The following COP1 variants were observed in gnomAD, a reference collection of about 807,000 sequenced individuals.
COP1 encodes COP1 E3 ubiquitin ligase, also known as E3 ubiquitin-protein ligase COP1.
A neutral mutation model predicts 101.3 loss-of-function variants in COP1; 24 were observed. The ratio of observed to expected loss-of-function variants is 0.24; its 90% CI spans 0.17 to 0.33. COP1 has a LOEUF of 0.33. Ranked by LOEUF, COP1 falls within the 10% of genes least tolerant of loss-of-function variation. The probability of loss-of-function intolerance (pLI) is 1.00; values close to 1 mark genes in which losing one functional copy is unlikely to be tolerated. For synonymous variants in COP1, 347 were observed against 341.9 expected (o/e 1.01, Z -0.17); for missense variants, 663 against 906.2 (o/e 0.73, Z 3.45).
chr1:176,041,288 C>T (rs1408541226), intron 14 of COP1, among the ~76,000 whole-genome samples: 1 of 151,854 alleles, frequency 6.6e-6, no homozygotes, highest in Non-Finnish European at 1.5e-5. Context: ...GGATGCAGTA[C>T]ATTCATTTTT....
At chr1:176,105,340 GA>G (rs1684129703) in intron 9 of COP1, among the ~76,000 whole-genome samples, 1 of 152,076 alleles carries the variant, frequency 6.6e-6, no homozygotes, top group South Asian at 2.1e-4. Context: ...GTATTTCAAA[GA>G]AATATCACAA....
chr1:176,206,071 T>C (rs1294797264), intron 1 of COP1, among the ~76,000 whole-genome samples: 1 of 152,190 alleles, frequency 6.6e-6, no homozygotes, highest in Admixed American at 6.5e-5. Flanking sequence ...AAGACATCCA[T>C]GCTTATGTTT....
In COP1 at chr1:175,944,910, A is replaced by C. The variant is rs777351816; in HGVS notation, c.*243T>G. 37 of 427,114 alleles carry C rather than the reference A, an allele frequency of 8.7e-5. No homozygotes were observed. The highest frequency in any genetic ancestry group is 6.1e-4 in the Middle Eastern group (1 of 1,636). The allele number at this position is 427,114 out of a possible 1,614,324, so 26.5% of individuals were successfully genotyped here. On this transcript the variant is annotated 3_prime_UTR_variant, in exon 20 of 20. Coordinates refer to ENST00000367669, the MANE Select transcript of COP1 (RefSeq NM_022457.7). The stretch of plus-strand genomic sequence containing the variant: ...GTTTCCCTATCACAAAAATTAGATA[A>C]CACCACCAAGAGCAGCAATGTCCAT...
At chr1:176,067,908 G>A (rs1200398595) in intron 11 of COP1, among the ~76,000 whole-genome samples, 1 of 152,186 alleles carries the variant, frequency 6.6e-6, no homozygotes, top group Non-Finnish European at 1.5e-5. Context: ...CTGCCTGTCT[G>A]TCCCCTCCCC....
chr1:175,986,080 C>T (rs6703511), intron 18 of COP1, among the ~76,000 whole-genome samples: 60,645 of 151,950 alleles, frequency 0.4, 12,316 homozygotes, highest in Middle Eastern at 0.45. Flanking sequence ...ACTGCAGTGG[C>T]GCGATCTTGG....
chr1:176,043,931 T>C, intron 12 of COP1, 113 bp from the exon 13 acceptor site: 1 of 663,290 alleles, frequency 1.5e-6, no homozygotes, highest in Non-Finnish European at 2.7e-6. Flanking sequence ...TCTCTATCAG[T>C]TCACAATCAT....
intron 3 of COP1, among the ~76,000 whole-genome samples, chr1:176,172,559 G>A (rs1696239003): frequency 6.6e-6 from 1 of 152,108 alleles, no homozygotes; most frequent in African/African-American, 2.4e-5. Flanking sequence ...GTAGGTGCAA[G>A]GATGCCAAGA....
At chr1:176,027,819 G>C (rs1667936664) in intron 14 of COP1, 131 bp from the exon 15 acceptor site, 2 of 621,350 alleles carry the variant, frequency 3.2e-6, no homozygotes, top group South Asian at 3.9e-5. Flanking sequence ...TGGTTTACTA[G>C]GACTAAAAGT....
intron 14 of COP1, among the ~76,000 whole-genome samples, chr1:176,028,463 G>A (rs1668064584): frequency 6.6e-6 from 1 of 150,436 alleles, no homozygotes; most frequent in South Asian, 2.1e-4. Context: ...TACTCAGGAA[G>A]CTGAGGTGGA....
intron 6 of COP1, among the ~76,000 whole-genome samples, chr1:176,145,764 TAAC>T (rs1691494618): frequency 7.4e-6 from 1 of 135,180 alleles, no homozygotes; most frequent in South Asian, 2.8e-4. Flanking sequence ...CACACTTAAA[TAAC>T]GCTCAAAAAC....
chr1:176,056,512 G>T (rs1005743223), intron 11 of COP1, among the ~76,000 whole-genome samples: 1 of 150,012 alleles, frequency 6.7e-6, no homozygotes, highest in Admixed American at 6.7e-5. Context: ...ATAATGGGGC[G>T]TGTGTGTGTG....
chr1:176,058,258 T>G (rs1175433656), intron 11 of COP1, among the ~76,000 whole-genome samples: 1 of 151,808 alleles, frequency 6.6e-6, no homozygotes, highest in Non-Finnish European at 1.5e-5. Context: ...CCACCCCGTC[T>G]GGGAGGTGTA....
chr1:176,043,887 T>C (rs1244912000), intron 12 of COP1, 69 bp from the exon 13 acceptor site: 6 of 921,202 alleles, frequency 6.5e-6, no homozygotes, highest in Non-Finnish European at 1.1e-5. Flanking sequence ...ATAATTTTAA[T>C]GTGTTCAGAA....
chr1:176,126,816 TG>T (rs930135595), intron 8 of COP1, among the ~76,000 whole-genome samples: 3 of 152,208 alleles, frequency 2.0e-5, no homozygotes, highest in Non-Finnish European at 2.9e-5. Flanking sequence ...ATTCTGTTGA[TG>T]ATTTTAGTTC....
chr1:176,108,725 G>GT (rs531985289), intron 9 of COP1, among the ~76,000 whole-genome samples: 31 of 151,918 alleles, frequency 2.0e-4, no homozygotes, highest in Non-Finnish European at 3.8e-4. Context: ...CAAAAATTGA[G>GT]TATTATTTCA....
rs1571864937 is a variant in COP1 at position 176,041,017 on chromosome 1, G to T, written c.1612+2169C>A. Among the ~76,000 whole-genome samples, 5 of 151,998 alleles carry T rather than the reference G, an allele frequency of 3.3e-5. No individual in the cohort carries two copies. The East Asian group carries it at 9.7e-4, about 29-fold the overall frequency. On this transcript the variant is annotated intron_variant, in intron 14 of 19. Coordinates refer to ENST00000367669, the MANE Select transcript of COP1 (RefSeq NM_022457.7). ...CAGAAAACAGTGAATAGTAAAGATG[G>T]ATATACAAGAAACAGAAAAAAAAGG... is the stretch of plus-strand genomic sequence containing the variant.
At chr1:175,979,954 G>A (rs190871463) in intron 18 of COP1, among the ~76,000 whole-genome samples, 177 of 152,190 alleles carry the variant, frequency 1.2e-3, no homozygotes, top group African/African-American at 2.8e-3. Flanking sequence ...GTACAAACAC[G>A]CTGTGTAATG....
intron 9 of COP1, among the ~76,000 whole-genome samples, chr1:176,096,181 G>T (rs754391670): frequency 6.6e-6 from 1 of 152,150 alleles, no homozygotes; most frequent in Non-Finnish European, 1.5e-5. Context: ...GCTGCCCAAT[G>T]TGAGGCCAAA....
rs1452990036 is a variant in COP1, at chr1:176,207,199, T to C, written c.-221A>G. 1 of 405,982 alleles carries C rather than the reference T, an allele frequency of 2.5e-6. No homozygotes were observed. The highest frequency in any genetic ancestry group is 4.4e-5 in the Admixed American group (1 of 22,684). The allele number at this position is 405,982 out of a possible 1,614,324, so 25.1% of individuals were successfully genotyped here. On this transcript the variant is annotated 5_prime_UTR_variant, in exon 1 of 20. Transcript: ENST00000367669. Reference sequence around the variant, plus strand: ...ACTAAAAAAGCGGAGTAGAAGGCACTACCGCTGTCGAGGCCGCCGCCGCCA... The same window carrying C: ...ACTAAAAAAGCGGAGTAGAAGGCACCACCGCTGTCGAGGCCGCCGCCGCCA...
Sources: gnomAD v4.1 joint callset for allele counts (sites outside exome capture counted in the v4.1 genomes callset) on GRCh38, gnomAD v4.1.1 for gene constraint, MANE v1.5 for transcripts, NCBI Gene and HGNC (gene_info 2026-07-23, HGNC 2026-07-21) for gene names.